Variants in CATSPERE observed in about 807,000 individuals in gnomAD.
CATSPERE encodes catsper channel auxiliary subunit epsilon.
Under a neutral mutation model 114.1 loss-of-function variants are expected in CATSPERE, and 93 were observed. The observed-to-expected ratio is 0.81, with a 90% CI of 0.69 to 0.97. The LOEUF (loss-of-function observed/expected upper bound fraction) is 0.97. CATSPERE is among the 50% of genes least tolerant of loss of function. The pLI is 0.00. For synonymous variants in CATSPERE, 341 were observed against 384.1 expected (o/e 0.89, Z 1.31); for missense variants, 1,058 against 1,131.6 (o/e 0.93, Z 0.93).
At position 244,624,656 on chromosome 1, in the gene CATSPERE, G is replaced by C. The variant is rs1672862057; in HGVS notation, c.2648+6970G>C. Among the ~76,000 whole-genome samples, 3 of 151,918 alleles carry C rather than the reference G, an allele frequency of 2.0e-5. 1 individual carries two copies. The South Asian group carries it at 6.3e-4, about 32-fold the overall frequency. On this transcript the variant is annotated intron_variant, in intron 20 of 21. Transcript: ENST00000366534. ...TCTCTGCTAAAAATACAAAAAGTTA[G>C]CCGGGCATGGTGATGGGCGCCTGTA...
intron 8 of CATSPERE, among the ~76,000 whole-genome samples, chr1:244,537,129 G>A (rs550129051): frequency 3.2e-4 from 49 of 151,610 alleles, no homozygotes; most frequent in Admixed American, 1.4e-3. Context: ...AATCTTAGGA[G>A]GAGAGCATCT....
chr1:244,492,207 C>T (rs1189226450), intron 6 of CATSPERE, among the ~76,000 whole-genome samples: 61 of 148,806 alleles, frequency 4.1e-4, no homozygotes, highest in African/African-American at 1.1e-3. Context: ...AAAATACTGG[C>T]AAACTGAATC....
At chr1:244,628,933 A>C (rs1318014278) in intron 20 of CATSPERE, among the ~76,000 whole-genome samples, 1 of 152,186 alleles carries the variant, frequency 6.6e-6, no homozygotes, top group Non-Finnish European at 1.5e-5. Flanking sequence ...CTTACACTTC[A>C]TGACAGAGTT....
chr1:244,563,350 A>G (rs1662887534), intron 10 of CATSPERE, among the ~76,000 whole-genome samples: 1 of 152,226 alleles, frequency 6.6e-6, no homozygotes, highest in Non-Finnish European at 1.5e-5. Context: ...AGTGTCTTCC[A>G]CAATGGATAG....
intron 7 of CATSPERE, among the ~76,000 whole-genome samples, chr1:244,500,455 T>G (rs1459666769): frequency 6.6e-6 from 1 of 152,224 alleles, no homozygotes; most frequent in Admixed American, 6.5e-5. Flanking sequence ...CTAGGTTTTC[T>G]TCTAGGGTTT....
At chr1:244,574,463 A>C (rs1011806470) in intron 11 of CATSPERE, among the ~76,000 whole-genome samples, 2 of 152,252 alleles carry the variant, frequency 1.3e-5, no homozygotes, top group African/African-American at 2.4e-5. Flanking sequence ...TTCTTTAACA[A>C]GAAGGGAAAC....
chr1:244,551,283 G>A (rs926943247), intron 8 of CATSPERE, among the ~76,000 whole-genome samples: 1 of 152,194 alleles, frequency 6.6e-6, no homozygotes, highest in African/African-American at 2.4e-5. Flanking sequence ...TGGCGGCTAA[G>A]AGAGACAGTA....
chr1:244,600,894 T>C (rs1344110288), intron 17 of CATSPERE, among the ~76,000 whole-genome samples: 1 of 152,082 alleles, frequency 6.6e-6, no homozygotes, highest in Non-Finnish European at 1.5e-5. Context: ...TTTACAAACA[T>C]TTAAGGAAAC....
At chr1:244,586,040 C>T (rs1201729636) in intron 13 of CATSPERE, among the ~76,000 whole-genome samples, 1 of 152,196 alleles carries the variant, frequency 6.6e-6, no homozygotes, top group African/African-American at 2.4e-5. Flanking sequence ...TACGCTGTGT[C>T]CAACTCTTGG....
intron 8 of CATSPERE, among the ~76,000 whole-genome samples, chr1:244,530,631 A>AT (rs1383469831): frequency 6.6e-6 from 1 of 152,204 alleles, no homozygotes; most frequent in Non-Finnish European, 1.5e-5. Context: ...TTTTAACAAT[A>AT]TTGAATCTTC....
At chr1:244,521,529 T>A (rs1024982501) in intron 8 of CATSPERE, among the ~76,000 whole-genome samples, 2 of 152,002 alleles carry the variant, frequency 1.3e-5, no homozygotes, top group Non-Finnish European at 2.9e-5. Context: ...AGGGAAAAAA[T>A]AAAGCTTTAT....
At chr1:244,483,931 A>G (rs961521979) in intron 5 of CATSPERE, among the ~76,000 whole-genome samples, 1 of 152,050 alleles carries the variant, frequency 6.6e-6, no homozygotes, top group South Asian at 2.1e-4. Context: ...AAAGTTTTAT[A>G]TGTTTTTTTC....
chr1:244,557,959 G>A (rs1227675310), intron 9 of CATSPERE, among the ~76,000 whole-genome samples: 1 of 151,576 alleles, frequency 6.6e-6, no homozygotes, highest in East Asian at 1.9e-4. Flanking sequence ...AAGTGCATCT[G>A]AGTTTTTTTC....
chr1:244,549,060 T>C (rs377545766), intron 8 of CATSPERE, among the ~76,000 whole-genome samples: 3 of 152,214 alleles, frequency 2.0e-5, no homozygotes, highest in Admixed American at 6.5e-5. Context: ...GAGGGGAAGC[T>C]GGACTACTAT....
chr1:244,579,573 G>A (rs548049800), intron 11 of CATSPERE, among the ~76,000 whole-genome samples: 1 of 152,100 alleles, frequency 6.6e-6, no homozygotes, highest in African/African-American at 2.4e-5. Context: ...ATATATAAGT[G>A]TACTTGCATA....
At chr1:244,599,015 A>C (rs190077424) in intron 17 of CATSPERE, among the ~76,000 whole-genome samples, 1 of 152,290 alleles carries the variant, frequency 6.6e-6, no homozygotes. Flanking sequence ...TCTGATATAT[A>C]GAACTACATC....
In CATSPERE at chr1:244,461,488, T is replaced by G. The variant is rs1666765059; in HGVS notation, c.59T>G (p.Leu20Arg). ...TGGCTGAGCTGCTATGGCTCCGCCC[T>G]TTGGAGGTAGAGAGACGCCAGTCGC... ...LLWLSCYGSA[L>R]WRYSTNSPNY... Residue 20 changes from leucine (L) to arginine (R), a missense_variant, in exon 1 of 22, where the codon CTT becomes CGT. Around this residue, in one of 2 missense-constraint regions of CATSPERE, gnomAD observed 271 missense variants for 225.9 expected, o/e 1.20. Transcript: ENST00000366534. 2 of 1,325,546 alleles carry G rather than the reference T, an allele frequency of 1.5e-6. No homozygotes were observed. Among genetic ancestry groups the G allele is most frequent in the Non-Finnish European group, 1.9e-6 (2 of 1,029,878 alleles). The allele number at this position is 1,325,546 out of a possible 1,614,324, so 82.1% of individuals were successfully genotyped here.
intron 12 of CATSPERE, 31 bp from the exon 13 acceptor site, chr1:244,583,833 T>C (rs1666608884): frequency 1.9e-6 from 3 of 1,597,100 alleles, no homozygotes; most frequent in Admixed American, 1.7e-5. Context: ...TCTCACATGA[T>C]ACAATAACCT....
intron 10 of CATSPERE, among the ~76,000 whole-genome samples, chr1:244,571,171 T>G (rs896553832): frequency 3.9e-5 from 6 of 152,254 alleles, no homozygotes; most frequent in African/African-American, 1.4e-4. Flanking sequence ...CCCTTCCACC[T>G]TGTGATCTAC....
Sources: gnomAD v4.1 joint callset for allele counts (sites outside exome capture counted in the v4.1 genomes callset) on GRCh38, gnomAD v4.1.1 for gene constraint, gnomAD v4.1.1 regional missense constraint, MANE v1.5 for transcripts, NCBI Gene and HGNC (gene_info 2026-07-23, HGNC 2026-07-21) for gene names.